DPP6: variants seen among roughly 807,000 people sequenced by gnomAD.
DPP6 encodes the protein dipeptidyl peptidase like 6, also known as A-type potassium channel modulatory protein DPP6.
A neutral mutation model predicts 122.6 loss-of-function variants in DPP6; 69 were observed. The ratio of observed to expected loss-of-function variants is 0.56; its 90% confidence interval spans 0.46 to 0.69. DPP6 has a LOEUF of 0.69. DPP6 is among the 30% of genes least tolerant of loss of function. DPP6 has a pLI of 0.00. For synonymous variants in DPP6, 418 were observed against 433.1 expected (o/e 0.97, Z 0.43); for missense variants, 928 against 1,116.9 (o/e 0.83, Z 2.41).
At chr7:154,318,771 T>G (rs1807656574) in intron 1 of DPP6, among the ~76,000 whole-genome samples, 1 of 152,214 alleles carries the variant, frequency 6.6e-6, no homozygotes. Context: ...ATAGCATTTG[T>G]GTTCCCACCT....
chr7:154,830,740 T>TC (rs1215744503), intron 16 of DPP6, among the ~76,000 whole-genome samples: 2 of 152,214 alleles, frequency 1.3e-5, no homozygotes, highest in Non-Finnish European at 2.9e-5. Context: ...ATTTCTACTA[T>TC]CTATACGTCC....
At chr7:154,621,772 T>C (rs1035534132) in intron 5 of DPP6, among the ~76,000 whole-genome samples, 4 of 152,158 alleles carry the variant, frequency 2.6e-5, no homozygotes, top group African/African-American at 9.7e-5. Context: ...TCCTCATGCC[T>C]ACCGTTTATC....
upstream of DPP6, among the ~76,000 whole-genome samples, chr7:153,884,039 C>G (rs555187050): frequency 4.6e-5 from 7 of 151,964 alleles, no homozygotes; most frequent in Admixed American, 3.9e-4. Context: ...ACTTTAAGTT[C>G]TAGGGTACAT....
chr7:154,172,017 A>C (rs1054525837), intron 1 of DPP6, among the ~76,000 whole-genome samples: 1 of 152,132 alleles, frequency 6.6e-6, no homozygotes, highest in Non-Finnish European at 1.5e-5. Flanking sequence ...AGGTGATCTG[A>C]CACAAGGACA....
intron 1 of DPP6, among the ~76,000 whole-genome samples, chr7:154,199,853 C>T (rs1353257294): frequency 6.6e-6 from 1 of 152,166 alleles, no homozygotes; most frequent in Non-Finnish European, 1.5e-5. Context: ...AGTGATCCGC[C>T]TGCCTCAGCC....
chr7:153,905,572 C>A (rs1300296970), intron 1 of DPP6, among the ~76,000 whole-genome samples: 1 of 151,832 alleles, frequency 6.6e-6, no homozygotes, highest in Non-Finnish European at 1.5e-5. Flanking sequence ...ATAAAAAAGT[C>A]ATAATTAAAA....
intron 1 of DPP6, among the ~76,000 whole-genome samples, chr7:154,283,169 G>A (rs1419348488): frequency 6.6e-6 from 1 of 152,220 alleles, no homozygotes; most frequent in Admixed American, 6.5e-5. Flanking sequence ...TCTGAACACT[G>A]GGATCCCCGT....
chr7:154,479,746 A>G (rs1246119382), intron 3 of DPP6, among the ~76,000 whole-genome samples: 2 of 152,026 alleles, frequency 1.3e-5, no homozygotes, highest in East Asian at 3.9e-4. Flanking sequence ...CCTTTGTGCC[A>G]TTCTGGGACT....
intron 1 of DPP6, among the ~76,000 whole-genome samples, chr7:154,168,168 GA>G (rs1797349279): frequency 6.6e-6 from 1 of 152,170 alleles, no homozygotes; most frequent in African/African-American, 2.4e-5. Flanking sequence ...GGAGTCAACA[GA>G]AAAGCAGATC....
chr7:154,744,622 T>G (rs1320610433), intron 8 of DPP6, among the ~76,000 whole-genome samples: 2 of 152,250 alleles, frequency 1.3e-5, no homozygotes, highest in Non-Finnish European at 2.9e-5. Flanking sequence ...GTTCGCTGAT[T>G]TCTTTTTTAA....
chr7:154,722,528 A>T (rs1051106421), intron 7 of DPP6, among the ~76,000 whole-genome samples: 1 of 152,266 alleles, frequency 6.6e-6, no homozygotes, highest in African/African-American at 2.4e-5. Flanking sequence ...TGAAGTAAGC[A>T]GAAAGTTATT....
the DPP6 span, among the ~76,000 whole-genome samples, chr7:153,825,671 G>A: frequency 2.5e-3 from 380 of 152,044 alleles, no homozygotes; most frequent in South Asian, 5.2e-3. Flanking sequence ...GTGATTCTTC[G>A]GCCTCAGCCT....
intron 2 of DPP6, among the ~76,000 whole-genome samples, chr7:154,470,520 T>C (rs2151336362): frequency 6.6e-6 from 1 of 152,344 alleles, no homozygotes; most frequent in East Asian, 1.9e-4. Flanking sequence ...ATGGGATTTA[T>C]TTCTAGTTTT....
chr7:153,988,643 G>C (rs541522207), intron 1 of DPP6, among the ~76,000 whole-genome samples: 2 of 152,180 alleles, frequency 1.3e-5, no homozygotes, highest in Admixed American at 1.3e-4. Context: ...AGCGGGGCCC[G>C]GAGAAAGGGG....
In DPP6 at chr7:154,135,747, C is replaced by A. The variant is rs201866099; in HGVS notation, c.243+82684C>A. 1.1e-4 allele frequency among the ~76,000 whole-genome samples: 16 copies of A among 151,818 alleles called. No individual in the cohort carries two copies. The East Asian group carries it at 3.1e-3, about 29-fold the overall frequency. On this transcript the variant is annotated intron_variant, in intron 1 of 25. Coordinates refer to ENST00000377770, the MANE Select transcript of DPP6 (RefSeq NM_130797.4). The stretch of plus-strand genomic sequence containing the variant: ...TCTATGCACTTATTCTGAGCACACA[C>A]TTCCTATCTGTGCACTTCCTGTGAC...
At chr7:154,007,826 C>T (rs893456961) in intron 1 of DPP6, among the ~76,000 whole-genome samples, 5 of 152,068 alleles carry the variant, frequency 3.3e-5, no homozygotes, top group African/African-American at 1.2e-4. Flanking sequence ...CCTGTGGTCA[C>T]ACACCTCGGG....
At chr7:154,889,899 G>T in intron 25 of DPP6, 1 of 251,486 alleles carries the variant, frequency 4.0e-6, no homozygotes, top group Admixed American at 5.0e-5. Context: ...CTGGGTTGGT[G>T]AGAGTGGTGC....
chr7:154,880,631 C>T (rs371528802), intron 20 of DPP6, among the ~76,000 whole-genome samples: 1 of 152,192 alleles, frequency 6.6e-6, no homozygotes, highest in Non-Finnish European at 1.5e-5. Context: ...ATTAATGGCT[C>T]GCAGTCGAGA....
In DPP6 at chr7:154,273,077, G is replaced by A. The variant is rs151052007; in HGVS notation, c.244-173137G>A. 4.0e-4 allele frequency among the ~76,000 whole-genome samples: 61 copies of A among 152,292 alleles called. No homozygotes were observed. In the East Asian group the frequency reaches 8.1e-3, roughly 20 times the overall value. On this transcript the variant is annotated intron_variant, in intron 1 of 25. Coordinates refer to ENST00000377770, the MANE Select transcript of DPP6 (RefSeq NM_130797.4). ...GGGATATTTAAACTAATTTTCTAGT[G>A]TAGAAGAATTTAATGGATGTGTGGA...
Sources: gnomAD v4.1 joint callset for allele counts (sites outside exome capture counted in the v4.1 genomes callset) on GRCh38, gnomAD v4.1.1 for gene constraint, MANE v1.5 for transcripts, NCBI Gene and HGNC (gene_info 2026-07-23, HGNC 2026-07-21) for gene names.